The following TTC3 variants were observed in gnomAD, a reference collection of about 807,000 sequenced individuals.
TTC3 encodes tetratricopeptide repeat domain 3, also known as E3 ubiquitin-protein ligase TTC3.
A neutral mutation model predicts 249.6 loss-of-function variants in TTC3; 180 were observed. The observed-to-expected ratio is 0.72, with a 90% CI of 0.64 to 0.82. TTC3 has a LOEUF of 0.82. TTC3 is among the 40% of genes least tolerant of loss of function. The pLI is 0.00. For missense variants in TTC3, 2,061 were observed against 2,398.4 expected (o/e 0.86, Z 2.94); for synonymous variants, 717 against 805.0 (o/e 0.89, Z 1.85).
chr21:37,189,325 A>G (rs1284334371), intron 39 of TTC3, among the ~76,000 whole-genome samples: 1 of 152,120 alleles, frequency 6.6e-6, no homozygotes, highest in Non-Finnish European at 1.5e-5. Context: ...GGCTCACTGC[A>G]ACCTCTGCCT....
At chr21:37,157,174 A>T in intron 28 of TTC3, 2 of 1,377,104 alleles carry the variant, frequency 1.5e-6, no homozygotes, top group Non-Finnish European at 1.9e-6. Flanking sequence ...TTTTCACAGC[A>T]TCATGGGAAA....
At chr21:37,118,751 C>A (rs1017969709) in intron 11 of TTC3, among the ~76,000 whole-genome samples, 1 of 152,062 alleles carries the variant, frequency 6.6e-6, no homozygotes, top group Non-Finnish European at 1.5e-5. Context: ...TTTTTTCTAG[C>A]TTCCCTCTCT....
At chr21:37,126,248 C>T (rs2077037060) in intron 15 of TTC3, 105 bp downstream of exon 15, 6 of 858,540 alleles carry the variant, frequency 7.0e-6, no homozygotes, top group East Asian at 2.7e-5. Flanking sequence ...CTCTTGTTCT[C>T]CTTTACTTTA....
exon 28 of TTC3, chr21:37,156,728 T>A (rs1172106894): frequency 6.2e-7 from 1 of 1,614,072 alleles, no homozygotes; most frequent in Admixed American, 1.7e-5. Flanking sequence ...GTATCATGAC[T>A]TTCCTCTGGA....
At chr21:37,141,964 T>C (rs2147964950) in intron 20 of TTC3, among the ~76,000 whole-genome samples, 1 of 152,304 alleles carries the variant, frequency 6.6e-6, no homozygotes, top group Admixed American at 6.5e-5. Context: ...AATCAATAAA[T>C]GTAATCCAGC....
chr21:37,193,586 C>T (rs187672345), intron 41 of TTC3, among the ~76,000 whole-genome samples: 3 of 152,296 alleles, frequency 2.0e-5, no homozygotes, highest in Non-Finnish European at 4.4e-5. Flanking sequence ...GTAATCCTAG[C>T]TTATGTTATT....
chr21:37,137,432 T>TGAGGGGTTC (rs911311886), intron 18 of TTC3, among the ~76,000 whole-genome samples: 1 of 152,148 alleles, frequency 6.6e-6, no homozygotes, highest in Admixed American at 6.6e-5. Flanking sequence ...TGGATGACTT[T>TGAGGGGTTC]GAGGGGTTCA....
At chr21:37,200,641 C>T (rs1176198377) in intron 45 of TTC3, among the ~76,000 whole-genome samples, 1 of 152,170 alleles carries the variant, frequency 6.6e-6, no homozygotes, top group African/African-American at 2.4e-5. Flanking sequence ...AATGGAGAAA[C>T]AGTGAAACCA....
At chr21:37,122,425 TATATATATATA>T (rs2076675633) in intron 12 of TTC3, among the ~76,000 whole-genome samples, 1 of 27,348 alleles carries the variant, frequency 3.7e-5, no homozygotes, top group Non-Finnish European at 9.8e-5. Flanking sequence ...ATATAATATA[TATATATATATA>T]TTATATATAT....
At chr21:37,104,945 G>A (rs1367525385) in intron 10 of TTC3, among the ~76,000 whole-genome samples, 5 of 152,212 alleles carry the variant, frequency 3.3e-5, no homozygotes, top group African/African-American at 1.2e-4. Flanking sequence ...GAGAACCTAG[G>A]CTGAGACTAG....
exon 46 of TTC3, chr21:37,202,941 C>T (rs1223152851): frequency 6.6e-6 from 1 of 152,128 alleles, no homozygotes; most frequent in Admixed American, 6.5e-5. Flanking sequence ...AAGAATTGAG[C>T]GCTATGGGTG....
At chr21:37,158,826 T>C (rs182320654) in intron 28 of TTC3, among the ~76,000 whole-genome samples, 4 of 152,168 alleles carry the variant, frequency 2.6e-5, no homozygotes, top group Non-Finnish European at 5.9e-5. Flanking sequence ...TCAATCCAAA[T>C]GAGCTTTGTC....
intron 34 of TTC3, 43 bp downstream of exon 34, chr21:37,167,663 A>G (rs1254220137): frequency 6.7e-7 from 1 of 1,498,866 alleles, no homozygotes; most frequent in East Asian, 2.3e-5. Flanking sequence ...TTTAGTTTTC[A>G]TTAATTTATC....
chr21:37,119,447 C>A (rs977423941), intron 11 of TTC3, among the ~76,000 whole-genome samples: 1 of 152,052 alleles, frequency 6.6e-6, no homozygotes, highest in Non-Finnish European at 1.5e-5. Flanking sequence ...GGACCGTTGT[C>A]CCCCAGGGAT....
intron 1 of TTC3, chr21:37,086,970 C>T (rs1359679946): frequency 4.0e-5 from 13 of 321,422 alleles, no homozygotes. Flanking sequence ...CTTGATGATC[C>T]TCTATTTAAA....
At chr21:37,193,645 A>G (rs943799575) in intron 41 of TTC3, among the ~76,000 whole-genome samples, 1 of 152,238 alleles carries the variant, frequency 6.6e-6, no homozygotes, top group African/African-American at 2.4e-5. Context: ...GGGAACTCTT[A>G]GTGTGCCAGG....
chr21:37,172,351 T>A (rs984091969), intron 34 of TTC3, among the ~76,000 whole-genome samples: 1 of 152,238 alleles, frequency 6.6e-6, no homozygotes, highest in Non-Finnish European at 1.5e-5. Flanking sequence ...TATTCAGAAC[T>A]AATTATAGTA....
chr21:37,093,983 C>G, intron 7 of TTC3, 22 bp from the exon 8 acceptor site: 1 of 1,475,654 alleles, frequency 6.8e-7, no homozygotes, highest in Non-Finnish European at 9.4e-7. Context: ...CTCTCTTGCT[C>G]TCTCCTAAAA....
intron 10 of TTC3, among the ~76,000 whole-genome samples, chr21:37,106,904 A>G (rs2075131330): frequency 6.6e-6 from 1 of 152,146 alleles, no homozygotes; most frequent in Non-Finnish European, 1.5e-5. Context: ...AAAAAAAAGA[A>G]AAAAGATCCA....
Sources: allele counts gnomAD v4.1 joint callset (sites outside exome capture counted in the v4.1 genomes callset), GRCh38; gene constraint gnomAD v4.1.1; transcripts MANE v1.5; gene names NCBI Gene and HGNC (gene_info 2026-07-23, HGNC 2026-07-21).